The following KIAA1217 variants were observed in gnomAD, a reference collection of about 807,000 sequenced individuals.
The protein encoded by KIAA1217 is KIAA1217.
In KIAA1217, 88 loss-of-function variants were observed where a neutral mutation model predicts 163.9. The observed-to-expected ratio is 0.54, with a 90% CI of 0.45 to 0.64. The LOEUF (loss-of-function observed/expected upper bound fraction) is 0.64, where lower values mean the gene tolerates loss of function less well. Among genes scored for constraint, KIAA1217 ranks in the 30% least tolerant of loss-of-function variants. KIAA1217 has a pLI of 0.00. For synonymous variants in KIAA1217, 903 were observed against 923.1 expected (o/e 0.98, Z 0.39); for missense variants, 2,372 against 2,475.0 (o/e 0.96, Z 0.88).
chr10:24,432,741 C>G (rs943656811), intron 3 of KIAA1217, among the ~76,000 whole-genome samples: 1 of 152,188 alleles, frequency 6.6e-6, no homozygotes, highest in African/African-American at 2.4e-5. Flanking sequence ...AGGCATAAGC[C>G]ATTGCACCCA....
chr10:24,471,025 C>T (rs2063458132), intron 5 of KIAA1217, among the ~76,000 whole-genome samples: 1 of 152,252 alleles, frequency 6.6e-6, no homozygotes, highest in Admixed American at 6.5e-5. Flanking sequence ...TAGAATAACC[C>T]CAGGCACTTA....
intron 2 of KIAA1217, among the ~76,000 whole-genome samples, chr10:24,125,811 T>TTGGACATA (rs2063453980): frequency 6.6e-6 from 1 of 152,208 alleles, no homozygotes; most frequent in Non-Finnish European, 1.5e-5. Flanking sequence ...ATTAATTTAG[T>TTGGACATA]TGGACATATT....
In KIAA1217 at chr10:24,520,148, T is replaced by C. The variant is rs2070869350; in HGVS notation, c.2203T>C (p.Leu735=). ...CGAGTTGGAAGACTTTGTTGAAGAC[T>C]TGAAGAAGGACTCCACGGCAGCCAG... ...LCELEDFVED[L]KKDSTAASRL... is the part of the protein sequence containing the mutation. The change falls in exon 11 of 21, where the codon TTG becomes CTG. Residue 735 remains leucine, a synonymous_variant. Coordinates refer to ENST00000376454, the MANE Select transcript of KIAA1217 (RefSeq NM_019590.5). 1 of 1,614,094 alleles carries C rather than the reference T, an allele frequency of 6.2e-7. No individual in the cohort carries two copies. The highest frequency in any genetic ancestry group is 1.1e-5 in the South Asian group (1 of 91,078).
At chr10:24,500,267 CGTGT>C (rs995468879) in intron 8 of KIAA1217, among the ~76,000 whole-genome samples, 1 of 90,940 alleles carries the variant, frequency 1.1e-5, no homozygotes, top group South Asian at 3.6e-4. Flanking sequence ...AGTGTGTGTG[CGTGT>C]GTGTGTGTGT....
intron 2 of KIAA1217, among the ~76,000 whole-genome samples, chr10:24,023,078 T>C (rs1227550510): frequency 1.3e-5 from 2 of 151,648 alleles, no homozygotes; most frequent in Non-Finnish European, 3.0e-5. Context: ...GCCATCACAG[T>C]AAGACAAGAA....
intron 5 of KIAA1217, among the ~76,000 whole-genome samples, chr10:24,467,217 A>C (rs1026265171): frequency 6.6e-6 from 1 of 152,200 alleles, no homozygotes; most frequent in African/African-American, 2.4e-5. Flanking sequence ...ATGGCCCCAG[A>C]TATTTTCTGG....
At chr10:23,964,157 C>G (rs139478262) in intron 1 of KIAA1217, among the ~76,000 whole-genome samples, 2,458 of 152,190 alleles carry the variant, frequency 0.016, 68 homozygotes, top group African/African-American at 0.056. Flanking sequence ...CCGCCTCAGC[C>G]TCCCAAAGTG....
rs1193013922 is a variant in KIAA1217 at position 24,337,587 on chromosome 10, GT to G, written c.355-43275del. Among the ~76,000 whole-genome samples the G allele has an allele frequency of 7.8e-4, 112 of 144,414 alleles. 1 individual carries two copies. Among genetic ancestry groups the G allele is most frequent in the African/African-American group, 2.5e-3 (99 of 39,400 alleles). 94.7% of individuals were successfully genotyped at this position (144,414 alleles called of 152,430 possible). On this transcript the variant is annotated intron_variant, in intron 2 of 20. Coordinates refer to ENST00000376454, the MANE Select transcript of KIAA1217 (RefSeq NM_019590.5). ...GTTTGCTTTGTTTTTGTTTTGTGTG[GT>G]TTTTTTCTTTTCTTTTCTTTTCTTT... is the stretch of plus-strand genomic sequence containing the variant.
chr10:24,410,934 G>A (rs907955630), intron 3 of KIAA1217, among the ~76,000 whole-genome samples: 1 of 151,928 alleles, frequency 6.6e-6, no homozygotes, highest in African/African-American at 2.4e-5. Context: ...TCTTTTTCTC[G>A]CTTGTGAATA....
intron 11 of KIAA1217, among the ~76,000 whole-genome samples, chr10:24,520,523 C>A (rs886105193): frequency 6.7e-6 from 1 of 148,450 alleles, no homozygotes; most frequent in Non-Finnish European, 1.5e-5. Flanking sequence ...TACAGTGCAC[C>A]GGGATGCATG....
intron 2 of KIAA1217, among the ~76,000 whole-genome samples, chr10:24,301,836 G>A (rs919594749): frequency 7.2e-5 from 11 of 152,196 alleles, no homozygotes; most frequent in Admixed American, 7.2e-4. Flanking sequence ...CCTGAGGTCA[G>A]GAGTTCGAGA....
chr10:23,848,654 A>G (rs1839159624), intron 1 of KIAA1217, among the ~76,000 whole-genome samples: 1 of 152,020 alleles, frequency 6.6e-6, no homozygotes, highest in Non-Finnish European at 1.5e-5. Flanking sequence ...TAGACCCATC[A>G]GGGGTCTTTC....
chr10:23,855,745 G>A (rs917687866), intron 1 of KIAA1217, among the ~76,000 whole-genome samples: 9 of 151,792 alleles, frequency 5.9e-5, no homozygotes, highest in Non-Finnish European at 1.0e-4. Context: ...TTTCCTTCTC[G>A]CTTCATTTCA....
chr10:24,263,987 A>G (rs2075964378), intron 2 of KIAA1217, among the ~76,000 whole-genome samples: 1 of 151,986 alleles, frequency 6.6e-6, no homozygotes, highest in South Asian at 2.1e-4. Flanking sequence ...CCTCCCGAGG[A>G]GCTGGGACTA....
In KIAA1217 at chr10:24,543,766, C is replaced by T; in HGVS notation, c.4496C>T (p.Ser1499Phe). The change falls in exon 19 of 21, where the codon TCC becomes TTC. Residue 1499 changes from serine to phenylalanine, a missense_variant. Physicochemically the swap from Ser to Phe is radical, Grantham distance 155 (BLOSUM62 -2). Coordinates refer to ENST00000376454, the MANE Select transcript of KIAA1217 (RefSeq NM_019590.5). The stretch of plus-strand genomic sequence containing the variant: ...TCTGTAGTCCAGAATAATAACACTT[C>T]CCAGATGTCTCATAAGAAGGTGGCC... ...GDSVVQNNNT[S>F]QMSHKKVAPG... The T allele has an allele frequency of 6.2e-7, 1 of 1,613,306 alleles. No individual in the cohort carries two copies. Among genetic ancestry groups the T allele is most frequent in the Non-Finnish European group, 8.5e-7 (1 of 1,179,674 alleles).
At chr10:24,056,131 G>A (rs377526552) in intron 2 of KIAA1217, among the ~76,000 whole-genome samples, 7 of 152,234 alleles carry the variant, frequency 4.6e-5, no homozygotes, top group African/African-American at 1.7e-4. Flanking sequence ...GCCTAGAGGA[G>A]TTTAAAAGAC....
At chr10:23,817,977 A>ATC (rs1564447593) in intron 1 of KIAA1217, among the ~76,000 whole-genome samples, 1 of 104,488 alleles carries the variant, frequency 9.6e-6, no homozygotes, top group Non-Finnish European at 1.9e-5. Context: ...ATATATATAT[A>ATC]TATATATATA....
chr10:24,144,810 C>T (rs745833508), intron 2 of KIAA1217, among the ~76,000 whole-genome samples: 4 of 152,160 alleles, frequency 2.6e-5, no homozygotes, highest in Admixed American at 6.5e-5. Flanking sequence ...CCCTAGCCTG[C>T]CTTTTATTGT....
At chr10:23,875,913 C>G (rs1230818668) in intron 1 of KIAA1217, among the ~76,000 whole-genome samples, 3 of 123,396 alleles carry the variant, frequency 2.4e-5, no homozygotes, top group African/African-American at 9.8e-5. Flanking sequence ...AACACATGGA[C>G]AGAGGGAGGG....
Sources: gnomAD v4.1 joint callset for allele counts (sites outside exome capture counted in the v4.1 genomes callset) on GRCh38, gnomAD v4.1.1 for gene constraint, MANE v1.5 for transcripts, NCBI Gene and HGNC (gene_info 2026-07-23, HGNC 2026-07-21) for gene names.